The following MAPKAP1 variants were observed in gnomAD, a reference collection of about 807,000 sequenced individuals.
MAPKAP1 encodes MAPK associated protein 1, also known as target of rapamycin complex 2 subunit MAPKAP1.
A neutral mutation model predicts 65.7 loss-of-function variants in MAPKAP1; 20 were observed. The observed-to-expected ratio is 0.30, with a 90% CI of 0.21 to 0.44. The LOEUF (loss-of-function observed/expected upper bound fraction) is 0.44, where lower values mean the gene tolerates loss of function less well. Ranked by LOEUF, MAPKAP1 falls within the 20% of genes least tolerant of loss-of-function variation. The pLI, the probability that MAPKAP1 is intolerant of heterozygous loss-of-function variation, is 1.00. For missense variants in MAPKAP1, 423 were observed against 648.0 expected (o/e 0.65, Z 3.77); for synonymous variants, 222 against 244.3 (o/e 0.91, Z 0.85).
chr9:125,489,773 C>T (rs982189539), intron 8 of MAPKAP1, among the ~76,000 whole-genome samples: 6 of 151,914 alleles, frequency 3.9e-5, no homozygotes, highest in African/African-American at 1.5e-4. Context: ...GGCCTGCAGC[C>T]AAGAAAGAAA....
intron 3 of MAPKAP1, among the ~76,000 whole-genome samples, chr9:125,664,295 C>T (rs1014057414): frequency 6.8e-5 from 10 of 147,804 alleles, no homozygotes; most frequent in Non-Finnish European, 1.3e-4. Flanking sequence ...TGCAGTGAGC[C>T]GAGATCATGC....
At chr9:125,533,580 A>G (rs1187850639) in intron 7 of MAPKAP1, among the ~76,000 whole-genome samples, 2 of 151,974 alleles carry the variant, frequency 1.3e-5, no homozygotes, top group Non-Finnish European at 2.9e-5. Context: ...CCTCCTGAGT[A>G]CCTGGGATTA....
At chr9:125,598,375 C>T (rs1036458690) in intron 4 of MAPKAP1, among the ~76,000 whole-genome samples, 2 of 152,178 alleles carry the variant, frequency 1.3e-5, no homozygotes, top group Admixed American at 6.5e-5. Flanking sequence ...TGTCACTGGA[C>T]ACTGTATTTT....
At chr9:125,590,844 G>C (rs1377234825) in intron 4 of MAPKAP1, among the ~76,000 whole-genome samples, 2 of 151,694 alleles carry the variant, frequency 1.3e-5, no homozygotes, top group Non-Finnish European at 2.9e-5. Context: ...CACAATCTCA[G>C]CTCAATGCAA....
At chr9:125,451,885 C>T (rs1852967573) in intron 10 of MAPKAP1, among the ~76,000 whole-genome samples, 1 of 150,480 alleles carries the variant, frequency 6.6e-6, no homozygotes, top group Admixed American at 6.6e-5. Flanking sequence ...TCTCAGCTCA[C>T]TGCAACCTCC....
At chr9:125,576,245 T>C (rs999045096) in intron 5 of MAPKAP1, among the ~76,000 whole-genome samples, 2 of 152,216 alleles carry the variant, frequency 1.3e-5, no homozygotes, top group African/African-American at 4.8e-5. Flanking sequence ...ATACAACCAT[T>C]AGAGCTGCAC....
chr9:125,643,776 G>C (rs1260428621), intron 4 of MAPKAP1, among the ~76,000 whole-genome samples: 1 of 152,042 alleles, frequency 6.6e-6, no homozygotes, highest in Non-Finnish European at 1.5e-5. Context: ...TATATAATTA[G>C]GCTTTTGATA....
Position 125,672,564 on chromosome 9 carries a change from A to G in MAPKAP1, c.11T>C (p.Leu4Ser). The change falls in exon 2 of 12, where the codon TTG (leucine) becomes TCG (serine). Residue 4 changes from leucine (L) to serine (S), a missense_variant. Physicochemically the swap from Leu to Ser is moderately radical, Grantham distance 145 (BLOSUM62 -2). This residue lies in a region of MAPKAP1 where 14 missense variants were observed against 35.3 expected (regional missense o/e 0.40). Transcript: ENST00000265960. ...AGCTAGAATGATAGTTGGATTGTCC[A>G]AGAAGGCCATCCTTTCTGTGGGCCA... MAF[L>S]DNPTIILAHI... 6.2e-7 allele frequency: 1 copy of G among 1,613,808 alleles called. No homozygotes were observed. The highest frequency in any genetic ancestry group is 8.5e-7 in the Non-Finnish European group (1 of 1,179,646).
chr9:125,585,305 G>C (rs1382860061), intron 5 of MAPKAP1, among the ~76,000 whole-genome samples: 8 of 152,182 alleles, frequency 5.3e-5, no homozygotes, highest in African/African-American at 1.9e-4. Flanking sequence ...TTATTAGCAG[G>C]GATCATAAAA....
intron 7 of MAPKAP1, among the ~76,000 whole-genome samples, chr9:125,525,313 T>C (rs1345393034): frequency 6.6e-6 from 1 of 152,228 alleles, no homozygotes; most frequent in Admixed American, 6.5e-5. Context: ...GACATTATTA[T>C]TATTTTCATT....
At chr9:125,643,817 C>T (rs1287988657) in intron 4 of MAPKAP1, among the ~76,000 whole-genome samples, 2 of 152,258 alleles carry the variant, frequency 1.3e-5, no homozygotes, top group South Asian at 2.1e-4. Flanking sequence ...CAGAAAACTT[C>T]GCCAATTTTT....
At chr9:125,561,533 T>C (rs1203248936) in intron 5 of MAPKAP1, among the ~76,000 whole-genome samples, 1 of 152,188 alleles carries the variant, frequency 6.6e-6, no homozygotes, top group Non-Finnish European at 1.5e-5. Context: ...CTTTTGGATC[T>C]CTGCAGCCGG....
At chr9:125,534,181 A>G in intron 7 of MAPKAP1, among the ~76,000 whole-genome samples, 1 of 152,214 alleles carries the variant, frequency 6.6e-6, no homozygotes, top group East Asian at 1.9e-4. Context: ...AACAAAAACA[A>G]AAAACAGGAA....
intron 5 of MAPKAP1, among the ~76,000 whole-genome samples, chr9:125,561,364 AAAAC>A (rs1247760138): frequency 1.3e-5 from 2 of 152,258 alleles, no homozygotes; most frequent in African/African-American, 4.8e-5. Context: ...TTTATTATAA[AAAAC>A]AAGTAATAAG....
At chr9:125,627,434 C>A (rs1229250572) in intron 4 of MAPKAP1, among the ~76,000 whole-genome samples, 2 of 151,980 alleles carry the variant, frequency 1.3e-5, no homozygotes, top group African/African-American at 4.8e-5. Flanking sequence ...ATATAGTGAA[C>A]CATATAAAGT....
chr9:125,684,968 C>T (rs899960399), intron 1 of MAPKAP1, among the ~76,000 whole-genome samples: 2 of 152,252 alleles, frequency 1.3e-5, no homozygotes. Context: ...CCACCGCACC[C>T]GGCTTGCTCC....
At chr9:125,688,328 G>C (rs958535308) in intron 1 of MAPKAP1, among the ~76,000 whole-genome samples, 4 of 152,004 alleles carry the variant, frequency 2.6e-5, no homozygotes, top group African/African-American at 9.7e-5. Context: ...AGTAGAGACC[G>C]GGTTTCACCA....
At chr9:125,596,609 G>A in intron 4 of MAPKAP1, 1 of 665,348 alleles carries the variant, frequency 1.5e-6, no homozygotes, top group Non-Finnish European at 2.8e-6. Flanking sequence ...AGTAGCTACA[G>A]CAGTGGCAGA....
intron 7 of MAPKAP1, among the ~76,000 whole-genome samples, chr9:125,531,151 C>T (rs1829922357): frequency 6.6e-6 from 1 of 152,176 alleles, no homozygotes; most frequent in South Asian, 2.1e-4. Context: ...GAAGCAGGGA[C>T]ATTTGGTCTC....
Sources: allele counts gnomAD v4.1 joint callset (sites outside exome capture counted in the v4.1 genomes callset), GRCh38; gene constraint gnomAD v4.1.1; regional missense constraint gnomAD v4.1.1; transcripts MANE v1.5; gene names NCBI Gene and HGNC (gene_info 2026-07-23, HGNC 2026-07-21).